The following UNC45B variants were observed in gnomAD, a reference collection of about 807,000 sequenced individuals.
UNC45B encodes the protein unc-45 myosin chaperone B.
A neutral mutation model predicts 98.7 loss-of-function variants in UNC45B; 78 were observed. The observed-to-expected ratio is 0.79, with a 90% CI of 0.66 to 0.95. UNC45B has a LOEUF of 0.95. Ranked by LOEUF, UNC45B falls within the 40% of genes least tolerant of loss-of-function variation. The pLI, the probability that UNC45B is intolerant of heterozygous loss-of-function variation, is 0.00. For synonymous variants in UNC45B, 462 were observed against 480.4 expected, an observed-to-expected ratio of 0.96 and a Z score of 0.50; for missense variants, 1,225 against 1,184.9, an observed-to-expected ratio of 1.03 and a Z score of -0.50.
At chr17:35,177,227 G>C in intron 16 of UNC45B, 97 bp downstream of exon 16, 1 of 1,152,654 alleles carries the variant, frequency 8.7e-7, no homozygotes, top group Non-Finnish European at 1.3e-6. Context: ...CTGGGACAGG[G>C]GCATGGTGCT....
intron 8 of UNC45B, among the ~76,000 whole-genome samples, chr17:35,162,294 G>T (rs1346854361): frequency 6.6e-6 from 1 of 152,174 alleles, no homozygotes; most frequent in South Asian, 2.1e-4. Context: ...AACCTGTGGA[G>T]TCTGTGCTAA....
rs1280009699 is a variant in UNC45B at position 35,183,585 on chromosome 17, A to G, written c.2529+3A>G. The G allele has an allele frequency of 6.5e-7, 1 of 1,547,082 alleles. No homozygotes were observed. The highest frequency in any genetic ancestry group is 1.4e-5 in the African/African-American group (1 of 73,072). On this transcript the variant is annotated splice_donor_region_variant and intron_variant, in intron 19 of 19. Transcript: ENST00000394570. ...TGTGCCTCAAGATGACTCAAGTGGT[A>G]AGAGCTGGCCCTGGGGATAGGACGG...
chr17:35,149,331 C>A (rs2091999763), intron 3 of UNC45B, among the ~76,000 whole-genome samples: 1 of 152,130 alleles, frequency 6.6e-6, no homozygotes, highest in Admixed American at 6.6e-5. Flanking sequence ...ACATTTCAGG[C>A]AGGGAGAGGG....
chr17:35,171,548 G>A, intron 13 of UNC45B, 86 bp downstream of exon 13: 3 of 1,525,772 alleles, frequency 2.0e-6, no homozygotes, highest in Non-Finnish European at 2.7e-6. Context: ...GTGGTGTCAG[G>A]AGTGGCACGG....
chr17:35,183,439 T>C lies in UNC45B; in HGVS notation c.2386T>C (p.Phe796Leu), dbSNP rs1454837621. The C allele has an allele frequency of 6.3e-7, 1 of 1,588,196 alleles. No individual in the cohort carries two copies. Among genetic ancestry groups the C allele is most frequent in the Non-Finnish European group, 8.6e-7 (1 of 1,166,906 alleles). The part of the protein sequence containing the change: ...MVLHKEVQER[F>L]LADGNDRLKL... ...CTGCCTCCCACAGGTACAGGAAAGG[T>C]TCTTGGCTGACGGGAATGACCGGCT... The change falls in exon 19 of 20, where the codon TTC becomes CTC. Residue 796 changes from phenylalanine (F) to leucine (L), a missense_variant. Physicochemically the swap from Phe to Leu is conservative, Grantham distance 22. Coordinates refer to ENST00000394570, the MANE Select transcript of UNC45B (RefSeq NM_001267052.2).
chr17:35,164,142 G>C lies in UNC45B; in HGVS notation c.1127G>C (p.Arg376Pro). Residue 376 changes from arginine to proline, a missense_variant, in exon 9 of 20, where the codon CGC becomes CCC. Transcript: ENST00000394570. ...LRCDPERDHF[R>P]KICEEYITGK... ...TGTGACCCGGAGCGCGATCACTTCCGCAAGATCTGTGAGGAATATATCACG... is the reference window on the plus strand; with the variant it reads ...TGTGACCCGGAGCGCGATCACTTCCCCAAGATCTGTGAGGAATATATCACG... The C allele has an allele frequency of 6.2e-7, 1 of 1,612,618 alleles. No individual in the cohort carries two copies. Among genetic ancestry groups the C allele is most frequent in the Non-Finnish European group, 8.5e-7 (1 of 1,179,364 alleles).
At chr17:35,163,916 TAAC>T (rs2092119828) in intron 8 of UNC45B, 76 bp from the exon 9 acceptor site, 1 of 1,435,414 alleles carries the variant, frequency 7.0e-7, no homozygotes, top group African/African-American at 1.4e-5. Flanking sequence ...AAGCTGATGA[TAAC>T]AAGTCACTGA....
At chr17:35,163,457 ACAT>A (rs1223713395) in intron 8 of UNC45B, among the ~76,000 whole-genome samples, 1 of 152,176 alleles carries the variant, frequency 6.6e-6, no homozygotes, top group African/African-American at 2.4e-5. Flanking sequence ...AGATGAGAAG[ACAT>A]CATCATCATC....
chr17:35,151,928 C>A (rs555735381), intron 4 of UNC45B, among the ~76,000 whole-genome samples: 1 of 151,012 alleles, frequency 6.6e-6, no homozygotes, highest in East Asian at 2.0e-4. Flanking sequence ...GGGAGAGACG[C>A]TGTTCCTACC....
chr17:35,155,950 G>A (rs1232662148), intron 7 of UNC45B, among the ~76,000 whole-genome samples: 2 of 152,170 alleles, frequency 1.3e-5, no homozygotes, highest in Non-Finnish European at 2.9e-5. Flanking sequence ...TACAACTCAA[G>A]CGTCTATTGG....
intron 15 of UNC45B, 56 bp downstream of exon 15, chr17:35,176,090 G>C: frequency 6.4e-7 from 1 of 1,562,118 alleles, no homozygotes; most frequent in East Asian, 2.2e-5. Context: ...TTTGCCTAGC[G>C]CAAGAATTAT....
intron 18 of UNC45B, among the ~76,000 whole-genome samples, chr17:35,182,629 C>T (rs1468595447): frequency 1.3e-5 from 2 of 152,040 alleles, no homozygotes; most frequent in African/African-American, 4.8e-5. Context: ...GCAGCTGTGT[C>T]CCATGAGAGG....
chr17:35,186,252 G>A, intron 19 of UNC45B, 47 bp from the exon 20 acceptor site: 2 of 1,600,432 alleles, frequency 1.2e-6, no homozygotes, highest in Non-Finnish European at 1.7e-6. Context: ...GAACTCTGGG[G>A]ACACACTCAA....
intron 14 of UNC45B, among the ~76,000 whole-genome samples, chr17:35,175,064 A>G (rs1477236759): frequency 2.9e-5 from 2 of 68,388 alleles, no homozygotes; most frequent in Non-Finnish European, 7.9e-5. Flanking sequence ...AGGAAAGAAG[A>G]AAGAAAGAAA....
At chr17:35,182,215 G>A (rs1457415010) in intron 18 of UNC45B, among the ~76,000 whole-genome samples, 3 of 151,742 alleles carry the variant, frequency 2.0e-5, no homozygotes, top group Non-Finnish European at 2.9e-5. Flanking sequence ...TCAGCCTCCC[G>A]AGTAACTGGG....
At chr17:35,156,488 T>C (rs2092062493) in intron 7 of UNC45B, among the ~76,000 whole-genome samples, 1 of 152,096 alleles carries the variant, frequency 6.6e-6, no homozygotes, top group Admixed American at 6.5e-5. Context: ...TAGCCGGGCA[T>C]GGTGGCGCAT....
intron 14 of UNC45B, among the ~76,000 whole-genome samples, chr17:35,175,309 C>A (rs569063449): frequency 6.6e-6 from 1 of 152,204 alleles, no homozygotes; most frequent in South Asian, 2.1e-4. Context: ...GCCAGGGAGG[C>A]AGGCAAGATC....
chr17:35,174,310 T>A lies in UNC45B; in HGVS notation c.1899T>A (p.Ala633=). The part of the protein sequence containing the change: ...LLKAGVISAL[A]CMVKADSAIL... ...AGGCGGGTGTCATCTCTGCCCTGGC[T>A]TGCATGGTGAAAGCAGATAGTGCCA... is the stretch of plus-strand genomic sequence containing the variant. The change falls in exon 14 of 20, where the codon GCT becomes GCA. Residue 633 remains alanine (A), a synonymous_variant. Transcript: ENST00000394570. 6.2e-7 allele frequency: 1 copy of A among 1,614,146 alleles called. No homozygotes were observed. Among genetic ancestry groups the A allele is most frequent in the Non-Finnish European group, 8.5e-7 (1 of 1,180,038 alleles).
intron 13 of UNC45B, 73 bp downstream of exon 13, chr17:35,171,535 G>A (rs542532697): frequency 1.3e-6 from 2 of 1,562,936 alleles, no homozygotes; most frequent in East Asian, 2.3e-5. Flanking sequence ...AACGGCAAAA[G>A]GAGTGGTGTC....
Sources: gnomAD v4.1 joint callset for allele counts (sites outside exome capture counted in the v4.1 genomes callset) on GRCh38, gnomAD v4.1.1 for gene constraint, MANE v1.5 for transcripts, NCBI Gene and HGNC (gene_info 2026-07-23, HGNC 2026-07-21) for gene names.